ART3: variants seen among roughly 807,000 people sequenced by gnomAD.
ART3 encodes ADP-ribosyltransferase 3 (inactive).
Under a neutral mutation model 48.5 loss-of-function variants are expected in ART3, and 49 were observed. That is an observed-to-expected ratio of 1.01 (90% confidence interval 0.80 to 1.28). The LOEUF (loss-of-function observed/expected upper bound fraction) is 1.28, where lower values mean the gene tolerates loss of function less well. Among genes scored for constraint, ART3 ranks in the 50% most tolerant of loss-of-function variants. The pLI, the probability that ART3 is intolerant of heterozygous loss-of-function variation, is 0.00. For missense variants in ART3, 438 were observed against 454.3 expected, an observed-to-expected ratio of 0.96 and a Z score of 0.33; for synonymous variants, 145 against 157.2, an observed-to-expected ratio of 0.92 and a Z score of 0.58.
chr4:76,079,931 C>CAG (rs546610994), intron 2 of ART3, among the ~76,000 whole-genome samples: 195 of 150,132 alleles, frequency 1.3e-3, no homozygotes, highest in Non-Finnish European at 1.7e-3. Flanking sequence ...CACACACACA[C>CAG]AGAGAGAGAG....
rs140920907 is a variant in ART3, at chr4:76,013,521, C to T, written c.-10+2201C>T. On this transcript the variant is annotated intron_variant, in intron 1 of 9. Transcript: ENST00000341029. ...TTACTTGAACATTTCCTTGTGTCTACGTAGTTTATATATTTGTAAAATGTT... is the reference window on the plus strand; with the variant it reads ...TTACTTGAACATTTCCTTGTGTCTATGTAGTTTATATATTTGTAAAATGTT... Among the ~76,000 whole-genome samples the T allele has an allele frequency of 1.3e-3, 204 of 152,210 alleles. 3 individuals are homozygous for T. Among genetic ancestry groups the T allele is most frequent in the African/African-American group, 4.4e-3 (182 of 41,516 alleles).
At position 76,103,937 on chromosome 4, in the gene ART3, G is replaced by A. The variant is rs765972654; in HGVS notation, c.938G>A (p.Gly313Asp). 1.2e-6 allele frequency: 2 copies of A among 1,612,876 alleles called. No individual in the cohort carries two copies. The highest frequency in any genetic ancestry group is 1.7e-6 in the Non-Finnish European group (2 of 1,179,388). ...AACCAATATTTATTTCTGCCTTTAG[G>A]TGTGAAAATCCTTGAACCCACCCAA... is the stretch of plus-strand genomic sequence containing the variant. ...GEKNQKLEDH[G>D]VKILEPTQIP... The change falls in exon 9 of 12, where the codon GGT becomes GAT. Residue 313 changes from glycine to aspartate, a missense_variant and splice_region_variant. By Grantham distance (94) the Gly-to-Asp change is moderately conservative (BLOSUM62 -1). Transcript: ENST00000355810.
At chr4:76,017,075 C>T (rs1373326066) in intron 1 of ART3, among the ~76,000 whole-genome samples, 4 of 152,038 alleles carry the variant, frequency 2.6e-5, no homozygotes, top group South Asian at 2.1e-4. Context: ...TCACTGTGGC[C>T]GAGCTGGTAC....
chr4:76,099,278 G>A (rs950832455), intron 5 of ART3: 1 of 380,304 alleles, frequency 2.6e-6, no homozygotes, highest in African/African-American at 2.1e-5. Flanking sequence ...ACTCCAGCCT[G>A]GGTGACAGGG....
At chr4:76,074,188 G>A (rs1720625010), upstream of ART3, among the ~76,000 whole-genome samples, 1 of 152,134 alleles carries the variant, frequency 6.6e-6, no homozygotes, top group Non-Finnish European at 1.5e-5. Flanking sequence ...ACTGGACTTT[G>A]TCTATACTTG....
intron 11 of ART3, among the ~76,000 whole-genome samples, chr4:76,110,717 G>T (rs988925005): frequency 3.9e-5 from 6 of 151,990 alleles, no homozygotes; most frequent in African/African-American, 1.4e-4. Flanking sequence ...GAACAACACA[G>T]GTTTGAACTG....
At chr4:76,029,502 A>G (rs1733691363) in intron 1 of ART3, among the ~76,000 whole-genome samples, 1 of 152,206 alleles carries the variant, frequency 6.6e-6, no homozygotes, top group Admixed American at 6.5e-5. Context: ...GTGTCTGGTT[A>G]ATAAAATTTG....
chr4:76,036,746 G>T, intron 1 of ART3: 1 of 217,602 alleles, frequency 4.6e-6, no homozygotes, highest in African/African-American at 2.4e-5. Context: ...AGATGGCAGG[G>T]GGCTCAGTCC....
rs1175655613 is a variant in ART3 at position 76,021,813 on chromosome 4, T to A, written c.-10+10493T>A. The A allele has an allele frequency of 3.1e-5, 32 of 1,034,720 alleles. No homozygotes were observed. In the East Asian group the frequency reaches 7.1e-4, roughly 23 times the overall value. 64.1% of individuals were successfully genotyped at this position (1,034,720 alleles called of 1,614,324 possible). On this transcript the variant is annotated intron_variant, in intron 1 of 9. Transcript: ENST00000341029. ...ATCATTGGTCACCTTTTAGTGTAAC[T>A]GCAAACTAAGAACAATTATGGCTTG...
At chr4:76,098,721 C>T (rs1414406397) in intron 4 of ART3, among the ~76,000 whole-genome samples, 2 of 152,092 alleles carry the variant, frequency 1.3e-5, no homozygotes, top group African/African-American at 4.8e-5. Context: ...GATCGTGCCA[C>T]TGCACTCCAG....
upstream of ART3, among the ~76,000 whole-genome samples, chr4:76,072,106 A>G (rs1479184125): frequency 6.6e-6 from 1 of 152,106 alleles, no homozygotes. Context: ...TTTTGTAGAG[A>G]CAAGGTCTCC....
intron 10 of ART3, chr4:76,107,260 T>A (rs1728658406): frequency 6.6e-6 from 1 of 152,514 alleles, no homozygotes. Flanking sequence ...AGCATAGTAA[T>A]TCAGAGCAAA....
chr4:76,035,954 C>G lies in ART3; in HGVS notation c.-10+24634C>G, dbSNP rs1475708897. 7 of 1,613,838 alleles carry G rather than the reference C, an allele frequency of 4.3e-6. No homozygotes were observed. In the African/African-American group the frequency reaches 8.0e-5, roughly 18 times the overall value. ...TGAACAACTGTAGCACACAATATCA[C>G]AGCCAAGGCTATAGCCATGCCCTTC... On this transcript the variant is annotated intron_variant, in intron 1 of 9. Coordinates refer to the ART3 transcript ENST00000341029.
chr4:76,110,885 T>C (rs1348659586), intron 11 of ART3, among the ~76,000 whole-genome samples: 1 of 152,150 alleles, frequency 6.6e-6, no homozygotes, highest in Non-Finnish European at 1.5e-5. Flanking sequence ...AAAATATATG[T>C]AGATGCTAGT....
At chr4:76,099,904 A>C (rs1380656134) in intron 5 of ART3, among the ~76,000 whole-genome samples, 1 of 152,238 alleles carries the variant, frequency 6.6e-6, no homozygotes, top group Non-Finnish European at 1.5e-5. Flanking sequence ...TCCTGTCCTG[A>C]TAGAAGTGAA....
At chr4:76,068,158 G>T (rs559589520) in intron 1 of ART3, among the ~76,000 whole-genome samples, 4 of 152,206 alleles carry the variant, frequency 2.6e-5, no homozygotes, top group Admixed American at 2.6e-4. Flanking sequence ...GTTAAAATTT[G>T]CCTTATTTAG....
chr4:76,072,217 A>C (rs1368757016), upstream of ART3, among the ~76,000 whole-genome samples: 1 of 152,244 alleles, frequency 6.6e-6, no homozygotes, highest in Non-Finnish European at 1.5e-5. Context: ...ATAAATTGAT[A>C]TCTTTATAGA....
At chr4:76,022,968 G>A (rs540699367) in intron 1 of ART3, 4 of 764,930 alleles carry the variant, frequency 5.2e-6, no homozygotes, top group Admixed American at 2.7e-5. Flanking sequence ...TAACACAACT[G>A]TAAATGATTA....
intron 1 of ART3, chr4:76,023,508 G>T: frequency 7.6e-7 from 1 of 1,313,804 alleles, no homozygotes; most frequent in Non-Finnish European, 1.1e-6. Context: ...AGAAAACGTG[G>T]GGCTAGTGTG....
Sources: allele counts gnomAD v4.1 joint callset (sites outside exome capture counted in the v4.1 genomes callset), GRCh38; gene constraint gnomAD v4.1.1; transcripts MANE v1.5; gene names NCBI Gene and HGNC (gene_info 2026-07-23, HGNC 2026-07-21).